Variants in PEBP4 observed in about 807,000 individuals in gnomAD.
PEBP4 encodes the protein phosphatidylethanolamine-binding protein 4.
Under a neutral mutation model 23.9 loss-of-function variants are expected in PEBP4, and 22 were observed. The observed-to-expected ratio is 0.92, with a 90% CI of 0.66 to 1.31. PEBP4 has a LOEUF of 1.31. Ranked by LOEUF, PEBP4 falls within the 40% of genes most tolerant of loss-of-function variation. The pLI is 0.00. For missense variants in PEBP4, 324 were observed against 281.7 expected, an observed-to-expected ratio of 1.15 and a Z score of -1.07; for synonymous variants, 112 against 99.3, an observed-to-expected ratio of 1.13 and a Z score of -0.76.
intron 3 of PEBP4, among the ~76,000 whole-genome samples, chr8:22,911,619 C>T (rs1198925084): frequency 1.3e-5 from 2 of 152,184 alleles, no homozygotes; most frequent in Non-Finnish European, 2.9e-5. Context: ...GCAACAAGTC[C>T]CTGTAGCATT....
At chr8:22,782,106 G>A (rs1805929424) in intron 4 of PEBP4, among the ~76,000 whole-genome samples, 1 of 152,194 alleles carries the variant, frequency 6.6e-6, no homozygotes, top group African/African-American at 2.4e-5. Context: ...GTGTCCAAGT[G>A]CTTGGGAAAC....
chr8:22,746,884 T>C (rs957568708), intron 4 of PEBP4, among the ~76,000 whole-genome samples: 2 of 152,212 alleles, frequency 1.3e-5, no homozygotes, highest in Non-Finnish European at 2.9e-5. Context: ...TGACTCTCGT[T>C]CTGTCACCCA....
upstream of PEBP4, among the ~76,000 whole-genome samples, chr8:22,929,643 G>A (rs950015462): frequency 6.6e-6 from 1 of 152,226 alleles, no homozygotes; most frequent in African/African-American, 2.4e-5. Flanking sequence ...TCACCAAGAA[G>A]TGGCAGACCT....
At chr8:22,891,506 G>C (rs940987302) in intron 3 of PEBP4, among the ~76,000 whole-genome samples, 3 of 152,234 alleles carry the variant, frequency 2.0e-5, no homozygotes, top group Non-Finnish European at 4.4e-5. Context: ...GGGGAAGGAG[G>C]AGTCTGGGTG....
At chr8:22,822,490 T>C (rs932219011) in intron 3 of PEBP4, among the ~76,000 whole-genome samples, 2 of 151,606 alleles carry the variant, frequency 1.3e-5, no homozygotes, top group African/African-American at 4.8e-5. Context: ...AAAGAAGAAA[T>C]GAAGAAATAA....
chr8:22,935,114 C>A (rs373177258), intron 1 of PEBP4, among the ~76,000 whole-genome samples: 155 of 152,230 alleles, frequency 1.0e-3, no homozygotes, highest in African/African-American at 3.6e-3. Context: ...AATATATAAG[C>A]ATACAAGGAT....
intron 3 of PEBP4, chr8:22,886,219 A>G (rs1431862304): frequency 6.6e-6 from 1 of 152,244 alleles, no homozygotes; most frequent in African/African-American, 2.4e-5. Flanking sequence ...GCAAGACAGA[A>G]GTGATCAGAA....
intron 4 of PEBP4, 138 bp from the exon 5 acceptor site, chr8:22,727,358 A>C (rs1804639863): frequency 2.4e-6 from 2 of 842,848 alleles, no homozygotes; most frequent in Non-Finnish European, 3.9e-6. Context: ...AGGATGGGAG[A>C]GGAGGAAAAT....
intron 3 of PEBP4, among the ~76,000 whole-genome samples, chr8:22,822,354 A>AGAGT (rs140574605): frequency 7.5e-4 from 111 of 147,854 alleles, no homozygotes; most frequent in African/African-American, 2.6e-3. Context: ...TATATACTAA[A>AGAGT]GTGTGTGTGT....
intron 3 of PEBP4, among the ~76,000 whole-genome samples, chr8:22,822,829 G>A (rs1179293367): frequency 1.3e-5 from 2 of 151,906 alleles, no homozygotes; most frequent in African/African-American, 4.8e-5. Context: ...GAAATACAAT[G>A]CTTTTAAATT....
At chr8:22,716,728 T>TCTGCC (rs1398770504) in intron 6 of PEBP4, among the ~76,000 whole-genome samples, 1 of 152,180 alleles carries the variant, frequency 6.6e-6, no homozygotes, top group Non-Finnish European at 1.5e-5. Flanking sequence ...TGAGAGGTGC[T>TCTGCC]CTGCCACATC....
intron 3 of PEBP4, among the ~76,000 whole-genome samples, chr8:22,846,272 C>T (rs1032510554): frequency 3.3e-5 from 5 of 152,172 alleles, no homozygotes; most frequent in Admixed American, 6.5e-5. Context: ...TCCCGGGCCC[C>T]AGAGTTCTGG....
intron 4 of PEBP4, among the ~76,000 whole-genome samples, chr8:22,779,807 G>A (rs151212447): frequency 6.6e-6 from 1 of 152,306 alleles, no homozygotes; most frequent in African/African-American, 2.4e-5. Flanking sequence ...TATTTTCCAA[G>A]AATAAATGGG....
chr8:22,794,258 TCTTA>T (rs1294853175), intron 4 of PEBP4, among the ~76,000 whole-genome samples: 1 of 152,056 alleles, frequency 6.6e-6, no homozygotes, highest in Non-Finnish European at 1.5e-5. Context: ...CTGCCTTATT[TCTTA>T]CTTCTTTCAA....
At chr8:22,817,782 G>A (rs189335751) in intron 3 of PEBP4, 47 bp from the exon 4 acceptor site, 3 of 1,554,780 alleles carry the variant, frequency 1.9e-6, no homozygotes, top group Non-Finnish European at 1.8e-6. Flanking sequence ...GGCTGAAATA[G>A]GAAAATACCA....
In PEBP4 at chr8:22,723,464, C is replaced by T. The variant is rs140126933; in HGVS notation, c.517+1379G>A. On this transcript the variant is annotated intron_variant, in intron 6 of 6. Transcript: ENST00000256404. ...AAGCACTTCACCCCCGAGAGACTCC[C>T]GCCCTGGGCATAGGCATGGTGATCC... 7.9e-5 allele frequency among the ~76,000 whole-genome samples: 12 copies of T among 152,252 alleles called. No homozygotes were observed. In the East Asian group the frequency reaches 1.7e-3, roughly 22 times the overall value.
chr8:22,818,701 A>G (rs1333461635), intron 3 of PEBP4, among the ~76,000 whole-genome samples: 2 of 152,144 alleles, frequency 1.3e-5, no homozygotes, highest in African/African-American at 4.8e-5. Context: ...ATGATCTCCA[A>G]AGGCCAGAGA....
In PEBP4 at chr8:22,832,250, G is replaced by A. The variant is rs555292386; in HGVS notation, c.259-14515C>T. 7.2e-5 allele frequency among the ~76,000 whole-genome samples: 11 copies of A among 152,284 alleles called. No individual in the cohort carries two copies. The East Asian group carries it at 9.7e-4, about 13-fold the overall frequency. ...CCTACTTCCCAAGTTGATGGTGTTC[G>A]GACGTGGGGCCTCTGGGAGGTAGTG... On this transcript the variant is annotated intron_variant, in intron 3 of 6. Coordinates refer to ENST00000256404, the MANE Select transcript of PEBP4 (RefSeq NM_144962.3).
intron 4 of PEBP4, among the ~76,000 whole-genome samples, chr8:22,806,661 C>T (rs971445632): frequency 2.2e-4 from 34 of 151,654 alleles, no homozygotes; most frequent in African/African-American, 8.2e-4. Flanking sequence ...GCACTCAGGC[C>T]AGAATCTTGC....
Sources: allele counts gnomAD v4.1 joint callset (sites outside exome capture counted in the v4.1 genomes callset), GRCh38; gene constraint gnomAD v4.1.1; transcripts MANE v1.5; gene names NCBI Gene and HGNC (gene_info 2026-07-23, HGNC 2026-07-21).